The following TBXAS1 variants were observed in gnomAD, a reference collection of about 807,000 sequenced individuals.
TBXAS1 encodes the protein thromboxane A synthase 1, also known as thromboxane-A synthase.
Under a neutral mutation model 60.7 loss-of-function variants are expected in TBXAS1, and 48 were observed. The ratio of observed to expected loss-of-function variants is 0.79; its 90% CI spans 0.63 to 1.01. The LOEUF is 1.01. Ranked by LOEUF, TBXAS1 falls within the 50% of genes least tolerant of loss-of-function variation. TBXAS1 has a pLI of 0.00. For missense variants in TBXAS1, 685 were observed against 686.3 expected, an observed-to-expected ratio of 1.00 and a Z score of 0.02; for synonymous variants, 287 against 269.7, an observed-to-expected ratio of 1.06 and a Z score of -0.63.
At chr7:139,992,602 C>G (rs958677714) in intron 9 of TBXAS1, among the ~76,000 whole-genome samples, 2 of 152,234 alleles carry the variant, frequency 1.3e-5, no homozygotes, top group African/African-American at 4.8e-5. Flanking sequence ...AGGAGGCGGC[C>G]CTGGAGAGAG....
At chr7:140,019,710 G>A (rs964773420) in intron 12 of TBXAS1, among the ~76,000 whole-genome samples, 1 of 152,178 alleles carries the variant, frequency 6.6e-6, no homozygotes, top group Non-Finnish European at 1.5e-5. Context: ...TTTTAAGCTG[G>A]ACATAGGAAA....
rs369608853 is a variant in TBXAS1 at position 139,784,224 on chromosome 7, TTCTC to T, written c.-169+1509_-169+1512del. 8.3e-4 allele frequency among the ~76,000 whole-genome samples: 123 copies of T among 149,002 alleles called. 1 individual carries two copies. In the East Asian group the frequency reaches 8.6e-3, roughly 10 times the overall value. ...TTTCGTTTGTTCTTTCTTTCATTCT[TTCTC>T]TCTCTCTCTCTCTTCCTTCCTTCCT... is the stretch of plus-strand genomic sequence containing the variant. On this transcript the variant is annotated intron_variant, in intron 3 of 16. Coordinates refer to the TBXAS1 transcript ENST00000336425.
In TBXAS1 at chr7:139,891,598, C is replaced by T. The variant is rs368884883; in HGVS notation, c.236+15961C>T. On this transcript the variant is annotated intron_variant, in intron 3 of 12. Transcript: ENST00000448866. ...CCTTAGGACGTTTGCCATAACAATACGTAACATAATTATTTGTTGGTTGAC... is the reference window on the plus strand; with the variant it reads ...CCTTAGGACGTTTGCCATAACAATATGTAACATAATTATTTGTTGGTTGAC... Among the ~76,000 whole-genome samples, 60 of 152,274 alleles carry T rather than the reference C, an allele frequency of 3.9e-4. 2 individuals are homozygous for T. The East Asian group carries it at 7.9e-3, about 20-fold the overall frequency.
At chr7:139,870,109 C>T (rs59134510) in intron 1 of TBXAS1, among the ~76,000 whole-genome samples, 8,300 of 152,158 alleles carry the variant, frequency 0.055, 628 homozygotes, top group African/African-American at 0.17. Flanking sequence ...AGATTTGAGT[C>T]GAGGCTGCAA....
intron 9 of TBXAS1, among the ~76,000 whole-genome samples, chr7:140,005,909 A>C (rs1026701435): frequency 2.0e-5 from 3 of 152,126 alleles, no homozygotes; most frequent in African/African-American, 7.2e-5. Context: ...TTCCCGGGTG[A>C]TGCTGCTGCT....
chr7:139,957,447 T>C, intron 7 of TBXAS1, 187 bp from the exon 8 acceptor site: 1 of 686,248 alleles, frequency 1.5e-6, no homozygotes, highest in East Asian at 2.8e-5. Flanking sequence ...GTGCCAGGAA[T>C]GGTGAGGAGT....
intron 1 of TBXAS1, among the ~76,000 whole-genome samples, chr7:139,829,889 CA>C (rs539464476): frequency 2.0e-3 from 298 of 152,274 alleles, no homozygotes; most frequent in African/African-American, 7.0e-3. Context: ...CAAAACAAAA[CA>C]AGACGTAGGA....
chr7:140,017,627 G>C, intron 11 of TBXAS1, 44 bp from the exon 12 acceptor site: 2 of 1,608,666 alleles, frequency 1.2e-6, no homozygotes, highest in African/African-American at 2.7e-5. Context: ...GCAGAGGGGA[G>C]GGAGCGGGTG....
At chr7:139,919,798 C>T (rs978429440) in intron 4 of TBXAS1, among the ~76,000 whole-genome samples, 2 of 152,192 alleles carry the variant, frequency 1.3e-5, no homozygotes, top group African/African-American at 4.8e-5. Context: ...TCTTCAATAA[C>T]CTGCTCCTCA....
chr7:139,955,722 G>T, intron 7 of TBXAS1, 115 bp downstream of exon 7: 1 of 1,480,236 alleles, frequency 6.8e-7, no homozygotes, highest in South Asian at 1.1e-5. Flanking sequence ...GGGCACTCGG[G>T]TTGTTCCCCT....
At chr7:139,955,038 C>G (rs1049057169) in intron 6 of TBXAS1, among the ~76,000 whole-genome samples, 4 of 152,184 alleles carry the variant, frequency 2.6e-5, no homozygotes, top group African/African-American at 9.7e-5. Flanking sequence ...AGATTCTGGC[C>G]TGAGCTGGGC....
chr7:139,882,661 C>T (rs959891297), intron 3 of TBXAS1, among the ~76,000 whole-genome samples: 16 of 152,128 alleles, frequency 1.1e-4, no homozygotes, highest in Admixed American at 9.2e-4. Context: ...ACCCTTGAAA[C>T]AGTGGAATTA....
rs1171359351 is a variant in TBXAS1 at position 139,986,726 on chromosome 7, T to TACATC, written c.1135-20364_1135-20363insCATCA. ...TATGGCTGAGTAGTATTCCATCATA[T>TACATC]ATATATATATATACATACATATATA... On this transcript the variant is annotated intron_variant, in intron 9 of 12. Coordinates refer to ENST00000448866, the MANE Select transcript of TBXAS1 (RefSeq NM_001061.7). Among the ~76,000 whole-genome samples, 54 of 59,324 alleles carry TACATC rather than the reference T, an allele frequency of 9.1e-4. No homozygotes were observed. In the East Asian group the frequency reaches 9.1e-3, roughly 10 times the overall value. The allele number at this position is 59,324 out of a possible 152,430, so 38.9% of individuals were successfully genotyped here.
Position 139,953,327 on chromosome 7 carries a change from C to T in TBXAS1, c.451-41C>T, listed in dbSNP as rs772678355. Reference sequence around the variant, plus strand: ...TCTGCAGCCAATTTAGGTGTACTCCCGGCATGGTGCCCTAATTACACCTTT... The same window carrying T: ...TCTGCAGCCAATTTAGGTGTACTCCTGGCATGGTGCCCTAATTACACCTTT... On this transcript the variant is annotated intron_variant, in intron 5 of 12. Coordinates refer to ENST00000448866, the MANE Select transcript of TBXAS1 (RefSeq NM_001061.7). The T allele has an allele frequency of 6.5e-5, 101 of 1,551,822 alleles. No individual in the cohort carries two copies. The Middle Eastern group carries it at 8.4e-4, about 13-fold the overall frequency.
intron 5 of TBXAS1, among the ~76,000 whole-genome samples, chr7:139,943,813 A>C (rs1265339761): frequency 2.0e-5 from 3 of 152,186 alleles, no homozygotes; most frequent in African/African-American, 7.2e-5. Flanking sequence ...TCATTAGTGG[A>C]AATTAATTTT....
intron 9 of TBXAS1, among the ~76,000 whole-genome samples, chr7:139,987,591 T>G (rs929913867): frequency 6.6e-6 from 1 of 152,188 alleles, no homozygotes; most frequent in Non-Finnish European, 1.5e-5. Flanking sequence ...CATCTCACCC[T>G]GTGTCTTCCA....
intron 1 of TBXAS1, among the ~76,000 whole-genome samples, chr7:139,855,486 G>A (rs1462649016): frequency 6.6e-6 from 1 of 152,008 alleles, no homozygotes; most frequent in African/African-American, 2.4e-5. Flanking sequence ...CAAGCAGAGT[G>A]GGGGATGTCA....
At chr7:139,809,365 T>C (rs58349732) in intron 4 of TBXAS1, among the ~76,000 whole-genome samples, 35 of 137,038 alleles carry the variant, frequency 2.6e-4, no homozygotes, top group East Asian at 8.5e-4. Context: ...GATAGATAGA[T>C]AGACAGACAG....
chr7:139,882,977 A>G (rs557501532), intron 3 of TBXAS1, among the ~76,000 whole-genome samples: 1 of 152,310 alleles, frequency 6.6e-6, no homozygotes, highest in South Asian at 2.1e-4. Flanking sequence ...GGAATTCACT[A>G]AACTGCATTA....
Sources: allele counts gnomAD v4.1 joint callset (sites outside exome capture counted in the v4.1 genomes callset), GRCh38; gene constraint gnomAD v4.1.1; transcripts MANE v1.5; gene names NCBI Gene and HGNC (gene_info 2026-07-23, HGNC 2026-07-21).